KDM3B: variants seen among roughly 807,000 people sequenced by gnomAD.
KDM3B encodes the protein lysine-specific demethylase 3B.
Under a neutral mutation model 170.0 loss-of-function variants are expected in KDM3B, and 10 were observed. The ratio of observed to expected loss-of-function variants is 0.06; its 90% CI spans 0.04 to 0.10. The LOEUF (loss-of-function observed/expected upper bound fraction) is 0.10. KDM3B is among the 10% of genes least tolerant of loss of function. The pLI is 1.00. For missense variants in KDM3B, 1,394 were observed against 2,195.2 expected, an observed-to-expected ratio of 0.64 and a Z score of 7.29; for synonymous variants, 831 against 834.8, an observed-to-expected ratio of 1.00 and a Z score of 0.08.
Position 138,358,098 on chromosome 5 carries a change from A to G in KDM3B, c.192+5111A>G, listed in dbSNP as rs1157896580. 7.9e-5 allele frequency among the ~76,000 whole-genome samples: 12 copies of G among 151,710 alleles called. No homozygotes were observed. In the South Asian group the frequency reaches 2.1e-3, roughly 26 times the overall value. The stretch of plus-strand genomic sequence containing the variant: ...CTGCAACCTCTGCCTCCTGGGTTCA[A>G]GCGATTCTCCTGCCTCAGCCTCGCA... On this transcript the variant is annotated intron_variant, in intron 1 of 23. Transcript: ENST00000314358.
chr5:138,386,298 A>C lies in KDM3B; in HGVS notation c.1057A>C (p.Asn353His). 1 of 1,614,234 alleles carries C rather than the reference A, an allele frequency of 6.2e-7. No individual in the cohort carries two copies. The highest frequency in any genetic ancestry group is 8.5e-7 in the Non-Finnish European group (1 of 1,180,044). The change falls in exon 7 of 24, where the codon AAC becomes CAC. Residue 353 changes from asparagine (N) to histidine (H), a missense_variant. By Grantham distance (68) the Asn-to-His change is moderately conservative (BLOSUM62 1). Coordinates refer to ENST00000314358, the MANE Select transcript of KDM3B (RefSeq NM_016604.4). ...PSTFVPQINR[N>H]IRFATYTKEN... ...TACATTTGTCCCCCAGATAAACCGC[A>C]ACATTCGCTTTGCCACTTACACCAA...
intron 23 of KDM3B, among the ~76,000 whole-genome samples, chr5:138,434,744 C>T (rs1236272705): frequency 2.0e-5 from 3 of 152,126 alleles, no homozygotes; most frequent in Non-Finnish European, 4.4e-5. Context: ...TATTTAAGCT[C>T]TGTGAAGGCA....
At chr5:138,425,132 C>T (rs1312208988) in intron 16 of KDM3B, among the ~76,000 whole-genome samples, 1 of 152,222 alleles carries the variant, frequency 6.6e-6, no homozygotes, top group African/African-American at 2.4e-5. Context: ...CAAAGTTGGA[C>T]TTGTCAGATT....
At chr5:138,373,326 G>T (rs987611980) in intron 2 of KDM3B, among the ~76,000 whole-genome samples, 6 of 151,968 alleles carry the variant, frequency 3.9e-5, no homozygotes, top group African/African-American at 1.5e-4. Context: ...GGGACAGAGT[G>T]AGACCCCTGT....
chr5:138,406,809 A>AT, intron 11 of KDM3B, among the ~76,000 whole-genome samples: 1 of 152,062 alleles, frequency 6.6e-6, no homozygotes, highest in Non-Finnish European at 1.5e-5. Flanking sequence ...ACTCTCATCT[A>AT]TTTGAGAATC....
rs765197454 is a variant in KDM3B, at chr5:138,391,380, C to T, written c.1748C>T (p.Ser583Phe). ...CTTGGAACAGACACTAAGCCAGGCT[C>T]TAAGGCTGGCAGCTCTGTGGACCGG... ...SVLGTDTKPG[S>F]KAGSSVDRKV... Residue 583 changes from serine (S) to phenylalanine (F), a missense_variant, in exon 8 of 24, where the codon TCT (serine) becomes TTT (phenylalanine). By Grantham distance (155) the Ser-to-Phe change is radical. This residue lies in a region of KDM3B where 294 missense variants were observed against 311.7 expected (regional missense o/e 0.94). Coordinates refer to ENST00000314358, the MANE Select transcript of KDM3B (RefSeq NM_016604.4). The surrounding 1 kb of genome is among the most constrained non-coding windows in gnomAD (Gnocchi z 5.0). 1 of 1,613,972 alleles carries T rather than the reference C, an allele frequency of 6.2e-7. No individual in the cohort carries two copies. The highest frequency in any genetic ancestry group is 2.2e-5 in the East Asian group (1 of 44,868).
At chr5:138,415,885 A>C (rs1452427953) in intron 12 of KDM3B, among the ~76,000 whole-genome samples, 1 of 152,130 alleles carries the variant, frequency 6.6e-6, no homozygotes, top group Non-Finnish European at 1.5e-5. Context: ...AGAATGAAAA[A>C]GCCAGTGCCT....
intron 21 of KDM3B, 25 bp downstream of exon 21, chr5:138,429,990 C>T: frequency 1.9e-6 from 3 of 1,612,350 alleles, no homozygotes; most frequent in African/African-American, 1.3e-5. Context: ...GGGCTGTGCT[C>T]CCAGCTCACA....
Position 138,427,983 on chromosome 5 carries a change from A to G in KDM3B, c.4650A>G (p.Glu1550=). The change falls in exon 20 of 24, where the codon GAA becomes GAG. Residue 1550 remains glutamate, a synonymous_variant. Coordinates refer to ENST00000314358, the MANE Select transcript of KDM3B (RefSeq NM_016604.4). ...CTCCTTTAGGGTTGATAACAGCAGA[A>G]GATAGAAGAGTTGGTACAACAAATC... is the stretch of plus-strand genomic sequence containing the variant. ...MYNAYGLITA[E]DRRVGTTNLH... is the part of the protein sequence containing the mutation. 1 of 1,613,704 alleles carries G rather than the reference A, an allele frequency of 6.2e-7. No homozygotes were observed. Among genetic ancestry groups the G allele is most frequent in the Non-Finnish European group, 8.5e-7 (1 of 1,179,648 alleles).
intron 6 of KDM3B, among the ~76,000 whole-genome samples, chr5:138,381,956 C>T (rs1200068932): frequency 3.1e-5 from 4 of 127,530 alleles, no homozygotes; most frequent in South Asian, 5.7e-4. Context: ...GGATAAACTA[C>T]GTCCACTTTT....
chr5:138,363,206 C>T (rs953686440), intron 1 of KDM3B, among the ~76,000 whole-genome samples: 1 of 152,038 alleles, frequency 6.6e-6, no homozygotes, highest in African/African-American at 2.4e-5. Flanking sequence ...TTTTTCTCTT[C>T]TATTCCCTGA....
chr5:138,372,654 C>T lies in KDM3B; in HGVS notation c.193-20C>T. 2.5e-6 allele frequency: 4 copies of T among 1,600,680 alleles called. No individual in the cohort carries two copies. Among genetic ancestry groups the T allele is most frequent in the Non-Finnish European group, 3.4e-6 (4 of 1,171,198 alleles). ...GATTTTTCCAAGTGTGACTTCCAAA[C>T]TGCTTTTTATCTCTTGCAGATCTTT... On this transcript the variant is annotated intron_variant, in intron 1 of 23. Coordinates refer to ENST00000314358, the MANE Select transcript of KDM3B (RefSeq NM_016604.4).
intron 9 of KDM3B, among the ~76,000 whole-genome samples, chr5:138,395,490 C>A (rs993503737): frequency 6.6e-6 from 1 of 152,132 alleles, no homozygotes; most frequent in Non-Finnish European, 1.5e-5. Flanking sequence ...TGAATGGGGG[C>A]GGTAGCTCAC....
chr5:138,416,650 C>T (rs1763114873), intron 12 of KDM3B, among the ~76,000 whole-genome samples: 1 of 151,342 alleles, frequency 6.6e-6, no homozygotes, highest in African/African-American at 2.4e-5. Context: ...GGAGCATCCC[C>T]TGGATCCCTT....
At chr5:138,381,757 T>G (rs897560454) in intron 6 of KDM3B, 167 bp downstream of exon 6, 1 of 545,818 alleles carries the variant, frequency 1.8e-6, no homozygotes. Context: ...AGGGGGGATA[T>G]TCTCAAGAAA....
intron 19 of KDM3B, 132 bp downstream of exon 19, chr5:138,427,451 A>T: frequency 9.8e-7 from 1 of 1,022,486 alleles, no homozygotes; most frequent in Non-Finnish European, 1.4e-6. Context: ...ATAGTATCCA[A>T]GGTGGTCTTG....
intron 9 of KDM3B, among the ~76,000 whole-genome samples, chr5:138,396,221 G>T (rs773078735): frequency 6.6e-6 from 1 of 151,768 alleles, no homozygotes; most frequent in Non-Finnish European, 1.5e-5. Flanking sequence ...TCAGCCTCCC[G>T]AGTAGCTGGG....
chr5:138,404,731 T>A (rs193022049), intron 11 of KDM3B, among the ~76,000 whole-genome samples: 2 of 152,296 alleles, frequency 1.3e-5, no homozygotes, highest in Admixed American at 1.3e-4. Context: ...TTTTGTTTTT[T>A]CTTTTTTTTC....
chr5:138,400,006 C>T lies in KDM3B; in HGVS notation c.3193C>T (p.Arg1065Cys), dbSNP rs539384678. The T allele has an allele frequency of 6.8e-6, 11 of 1,614,084 alleles. No homozygotes were observed. The highest frequency in any genetic ancestry group is 4.0e-5 in the African/African-American group (3 of 75,010). ...TTACCGGCTCAGGAAAAGCCGGCCA[C>T]GCAGTGGTAAGTAAACATTGTCCTG... ...DCYRLRKSRP[R>C]SETEEMGDEE... is the part of the protein sequence containing the mutation. The change falls in exon 11 of 24, where the codon CGC (arginine) becomes TGC (cysteine). Residue 1065 changes from arginine (R) to cysteine (C), a missense_variant. Around this residue, in one of 19 missense-constraint regions of KDM3B, gnomAD observed 44 missense variants for 71.1 expected, o/e 0.62. Coordinates refer to ENST00000314358, the MANE Select transcript of KDM3B (RefSeq NM_016604.4).
Sources: allele counts gnomAD v4.1 joint callset (sites outside exome capture counted in the v4.1 genomes callset), GRCh38; gene constraint gnomAD v4.1.1; regional missense constraint gnomAD v4.1.1; non-coding constraint Gnocchi (gnomAD v3.1); transcripts MANE v1.5; gene names NCBI Gene and HGNC (gene_info 2026-07-23, HGNC 2026-07-21).